Variants in G2E3 observed in about 807,000 individuals in gnomAD.
G2E3 encodes the protein G2/M phase-specific E3 ubiquitin-protein ligase.
G2E3 carries 35 observed loss-of-function variants against 92.8 expected under a neutral mutation model. The observed-to-expected ratio is 0.38, with a 90% CI of 0.29 to 0.50. G2E3 has a LOEUF of 0.50. G2E3 is among the 20% of genes least tolerant of loss of function. G2E3 has a pLI of 0.94. For synonymous variants in G2E3, 242 were observed against 272.4 expected (o/e 0.89, Z 1.10); for missense variants, 554 against 823.8 (o/e 0.67, Z 4.01).
intron 12 of G2E3, among the ~76,000 whole-genome samples, chr14:30,608,760 C>T (rs978023055): frequency 6.6e-6 from 1 of 152,234 alleles, no homozygotes; most frequent in South Asian, 2.1e-4. Context: ...CTTAACCTCC[C>T]TCCTACTTAA....
intron 3 of G2E3, among the ~76,000 whole-genome samples, chr14:30,587,829 C>T (rs1880796760): frequency 6.6e-6 from 1 of 152,186 alleles, no homozygotes. Context: ...ATGACCTAGT[C>T]ATCACAGCCA....
chr14:30,562,695 C>T (rs1023577455), intron 1 of G2E3, among the ~76,000 whole-genome samples: 1 of 152,178 alleles, frequency 6.6e-6, no homozygotes, highest in Admixed American at 6.5e-5. Context: ...TACCTGGAGG[C>T]CTAACCGTCT....
intron 6 of G2E3, among the ~76,000 whole-genome samples, chr14:30,596,750 T>C (rs1033179156): frequency 1.3e-5 from 2 of 152,250 alleles, no homozygotes; most frequent in Non-Finnish European, 2.9e-5. Context: ...GAAGCTGTCA[T>C]GTTTTTTGGT....
chr14:30,567,560 A>G (rs1428903854), intron 1 of G2E3, among the ~76,000 whole-genome samples: 1 of 151,848 alleles, frequency 6.6e-6, no homozygotes, highest in African/African-American at 2.4e-5. Context: ...TGGGTCATCT[A>G]ACTAAACGTT....
chr14:30,610,452 A>G (rs1022596394), intron 12 of G2E3, among the ~76,000 whole-genome samples: 12 of 152,208 alleles, frequency 7.9e-5, no homozygotes, highest in African/African-American at 2.4e-4. Context: ...CATCTTTACT[A>G]AAAATACAAA....
In G2E3 at chr14:30,581,528, A is replaced by G. The variant is rs908189987; in HGVS notation, c.37+412A>G. 3.9e-5 allele frequency among the ~76,000 whole-genome samples: 6 copies of G among 152,252 alleles called. No individual in the cohort carries two copies. The East Asian group carries it at 1.2e-3, about 29-fold the overall frequency. The stretch of plus-strand genomic sequence containing the variant: ...TCAAGACCAGCCTGGCCAACATGAC[A>G]AAACCTCATCTCTGCTAAAAATACA... On this transcript the variant is annotated intron_variant, in intron 2 of 14. Coordinates refer to ENST00000206595, the MANE Select transcript of G2E3 (RefSeq NM_017769.5).
At chr14:30,587,705 A>C (rs1274474993) in intron 3 of G2E3, among the ~76,000 whole-genome samples, 1 of 152,034 alleles carries the variant, frequency 6.6e-6, no homozygotes, top group Non-Finnish European at 1.5e-5. Context: ...AGGAAACCTC[A>C]GCTCCTTACC....
At position 30,593,494 on chromosome 14, in the gene G2E3, G is replaced by C; in HGVS notation, c.383G>C (p.Arg128Pro). The change falls in exon 6 of 15, where the codon CGA becomes CCA. Residue 128 changes from arginine to proline, a missense_variant. This residue lies in a region of G2E3 where 137 missense variants were observed against 201.3 expected (regional missense o/e 0.68). Coordinates refer to ENST00000206595, the MANE Select transcript of G2E3 (RefSeq NM_017769.5). ...GNFASFCWDH[R>P]PVQIITSNNY... ...TTTAGGTCATTTTGTTGGGACCATC[G>C]ACCTGTTCAAATAATTACATCTAAT... 6.5e-7 allele frequency: 1 copy of C among 1,550,018 alleles called. No individual in the cohort carries two copies. The highest frequency in any genetic ancestry group is 1.2e-5 in the South Asian group (1 of 84,300).
intron 4 of G2E3, among the ~76,000 whole-genome samples, chr14:30,591,220 T>C (rs752143201): frequency 1.1e-4 from 16 of 152,144 alleles, no homozygotes; most frequent in Non-Finnish European, 2.1e-4. Context: ...GCAGGTATTC[T>C]CCAGTGACCT....
intron 6 of G2E3, among the ~76,000 whole-genome samples, chr14:30,595,998 A>G (rs946287113): frequency 1.3e-5 from 2 of 151,762 alleles, no homozygotes; most frequent in Non-Finnish European, 2.9e-5. Flanking sequence ...TATACCAGAT[A>G]CTTCCTTTTA....
chr14:30,608,651 A>T (rs1003849724), intron 12 of G2E3, among the ~76,000 whole-genome samples: 2 of 152,256 alleles, frequency 1.3e-5, no homozygotes, highest in Admixed American at 6.5e-5. Flanking sequence ...AACATGTCAC[A>T]TGTGCAAACA....
Position 30,611,325 on chromosome 14 carries a change from C to T in G2E3, c.1501-882C>T, listed in dbSNP as rs941177640. 4 of 152,006 alleles carry T rather than the reference C, an allele frequency of 2.6e-5. 1 individual carries two copies. The highest frequency in any genetic ancestry group is 1.3e-4 in the Admixed American group (2 of 15,262). The allele number at this position is 152,006 out of a possible 1,614,324, so 9.4% of individuals were successfully genotyped here. ...AAGATAGTATTTTGAGCAGAATAGT[C>T]ATGAAAAACTTAGGAGATTTCAGCA... On this transcript the variant is annotated intron_variant, in intron 12 of 14. Coordinates refer to ENST00000206595, the MANE Select transcript of G2E3 (RefSeq NM_017769.5).
intron 8 of G2E3, among the ~76,000 whole-genome samples, chr14:30,599,322 G>A (rs577106669): frequency 6.6e-6 from 1 of 152,188 alleles, no homozygotes; most frequent in South Asian, 2.1e-4. Context: ...CTGCCTCCCG[G>A]GTTCAAGCAG....
intron 1 of G2E3, chr14:30,559,579 A>G (rs1878966712): frequency 6.6e-6 from 1 of 152,094 alleles, no homozygotes; most frequent in South Asian, 2.1e-4. Flanking sequence ...TTAAACCCGT[A>G]GTTTATTATT....
intron 1 of G2E3, among the ~76,000 whole-genome samples, chr14:30,578,190 T>C (rs1880225957): frequency 6.6e-6 from 1 of 152,172 alleles, no homozygotes; most frequent in South Asian, 2.1e-4. Context: ...CTCCACATGC[T>C]AGGGATTAGG....
intron 1 of G2E3, chr14:30,560,800 G>A (rs543211507): frequency 8.5e-6 from 6 of 702,068 alleles, no homozygotes; most frequent in East Asian, 5.4e-5. Context: ...GAATCAGTAG[G>A]TCTGGAGGAT....
At chr14:30,597,634 C>T in intron 7 of G2E3, 108 bp downstream of exon 7, 2 of 689,052 alleles carry the variant, frequency 2.9e-6, no homozygotes, top group Non-Finnish European at 5.1e-6. Flanking sequence ...GACAGGTAGC[C>T]ATTTCAAATG....
chr14:30,610,941 C>T (rs1179711530), intron 12 of G2E3, among the ~76,000 whole-genome samples: 1 of 152,180 alleles, frequency 6.6e-6, no homozygotes, highest in African/African-American at 2.4e-5. Flanking sequence ...GCAACAGATA[C>T]CATATAGTTT....
rs538306053 is a variant in G2E3 at position 30,619,753 on chromosome 14, C to A, written c.*3219C>A. On this transcript the variant is annotated 3_prime_UTR_variant, in exon 15 of 15. Transcript: ENST00000206595. ...GTTTATATGTCAGCCTATTTCCCCC[C>A]CTTTTAAAGACTGCCAGATTAACCA... 6 of 152,196 alleles carry A rather than the reference C, an allele frequency of 3.9e-5. No individual in the cohort carries two copies. The highest frequency in any genetic ancestry group is 2.1e-4 in the South Asian group (1 of 4,810). 9.4% of individuals were successfully genotyped at this position (152,196 alleles called of 1,614,324 possible).
Sources: gnomAD v4.1 joint callset for allele counts (sites outside exome capture counted in the v4.1 genomes callset) on GRCh38, gnomAD v4.1.1 for gene constraint, gnomAD v4.1.1 regional missense constraint, MANE v1.5 for transcripts, NCBI Gene and HGNC (gene_info 2026-07-23, HGNC 2026-07-21) for gene names.